The following N4BP2L2 variants were observed in gnomAD, a reference collection of about 807,000 sequenced individuals.
The protein encoded by N4BP2L2 is NEDD4-binding protein 2-like 2.
A neutral mutation model predicts 56.2 loss-of-function variants in N4BP2L2; 50 were observed. The ratio of observed to expected loss-of-function variants is 0.89; its 90% confidence interval spans 0.71 to 1.13. The LOEUF (loss-of-function observed/expected upper bound fraction) is 1.13, where lower values mean the gene tolerates loss of function less well. Among genes scored for constraint, N4BP2L2 ranks in the 50% most tolerant of loss-of-function variants. The pLI is 0.00. For synonymous variants in N4BP2L2, 203 were observed against 223.6 expected (o/e 0.91, Z 0.82); for missense variants, 689 against 693.8 (o/e 0.99, Z 0.08).
chr13:32,451,545 ATTAAT>A (rs1215076808), intron 6 of N4BP2L2, among the ~76,000 whole-genome samples: 1 of 151,980 alleles, frequency 6.6e-6, no homozygotes, highest in African/African-American at 2.4e-5. Flanking sequence ...AAGTTATTTA[ATTAAT>A]TTATTTTTGG....
At chr13:32,538,070 TG>T (rs34075107) in intron 1 of N4BP2L2, among the ~76,000 whole-genome samples, 2,809 of 64,608 alleles carry the variant, frequency 0.043, 106 homozygotes, top group African/African-American at 0.13. Context: ...GACCCCGTCT[TG>T]GGGGGGGGGG....
At chr13:32,529,657 GT>G (rs11340287) in intron 2 of N4BP2L2, among the ~76,000 whole-genome samples, 100,755 of 145,786 alleles carry the variant, frequency 0.69, 34,708 homozygotes, top group Non-Finnish European at 0.75. Context: ...TTCCTTTTTT[GT>G]TTTTTTTTTT....
intron 6 of N4BP2L2, among the ~76,000 whole-genome samples, chr13:32,496,873 G>C (rs1012254178): frequency 6.6e-6 from 1 of 152,086 alleles, no homozygotes; most frequent in Non-Finnish European, 1.5e-5. Flanking sequence ...CTACATGCAA[G>C]AGTTCAAAAT....
At chr13:32,517,856 C>T (rs2049595242) in exon 6 of N4BP2L2, 1 of 1,613,928 alleles carries the variant, frequency 6.2e-7, no homozygotes. Flanking sequence ...AGCCTCCCCA[C>T]CTCTGTCTCC....
rs7994362 is a variant in N4BP2L2, at chr13:32,441,015, C to T, written c.2104+1373G>A. On this transcript the variant is annotated intron_variant, in intron 7 of 9. Transcript: ENST00000357505. ...GATTACAGGCACACGCCACCACGCC[C>T]GGCTAATTTTTGTATTTTTAGTAGA... 2.4e-3 allele frequency among the ~76,000 whole-genome samples: 368 copies of T among 150,930 alleles called. 1 individual carries two copies. The highest frequency in any genetic ancestry group is 8.6e-3 in the African/African-American group (352 of 41,088).
intron 6 of N4BP2L2, among the ~76,000 whole-genome samples, chr13:32,447,265 G>A (rs774592063): frequency 5.3e-5 from 8 of 152,256 alleles, no homozygotes; most frequent in Admixed American, 1.3e-4. Flanking sequence ...AAGAGGAAGT[G>A]AGAGGAGATA....
intron 7 of N4BP2L2, among the ~76,000 whole-genome samples, chr13:32,440,929 C>T (rs368250612): frequency 5.0e-5 from 7 of 139,780 alleles, no homozygotes; most frequent in East Asian, 4.2e-4. Context: ...CGGCTCACTG[C>T]GACCTCTGCC....
At chr13:32,464,294 T>C (rs1043641093) in intron 6 of N4BP2L2, among the ~76,000 whole-genome samples, 2 of 152,234 alleles carry the variant, frequency 1.3e-5, no homozygotes, top group Non-Finnish European at 2.9e-5. Context: ...AGATGTTAAT[T>C]ATAATCCCTG....
chr13:32,500,165 G>A (rs1021785878), intron 6 of N4BP2L2, among the ~76,000 whole-genome samples: 1 of 152,040 alleles, frequency 6.6e-6, no homozygotes, highest in South Asian at 2.1e-4. Flanking sequence ...GTGCCTTAGC[G>A]GTCTACCTTG....
intron 6 of N4BP2L2, among the ~76,000 whole-genome samples, chr13:32,444,388 G>C (rs146758871): frequency 6.6e-6 from 1 of 151,898 alleles, no homozygotes; most frequent in Non-Finnish European, 1.5e-5. Context: ...CCTCATCCTC[G>C]CAAGTAGCTG....
chr13:32,505,050 A>C (rs1050690709), intron 6 of N4BP2L2: 1 of 152,020 alleles, frequency 6.6e-6, no homozygotes. Context: ...GTGGTAGCCC[A>C]CCTCCCTCAG....
exon 2 of N4BP2L2, chr13:32,537,019 A>G (rs555315307): frequency 6.5e-6 from 10 of 1,545,508 alleles, no homozygotes; most frequent in South Asian, 2.5e-5. Flanking sequence ...CAATTTCACC[A>G]TAAGACATCT....
At chr13:32,465,947 T>A (rs2081157452) in intron 6 of N4BP2L2, among the ~76,000 whole-genome samples, 1 of 152,156 alleles carries the variant, frequency 6.6e-6, no homozygotes, top group Non-Finnish European at 1.5e-5. Context: ...CCACCACGCC[T>A]GGCCTAGTTT....
chr13:32,478,562 T>C (rs1593720319), intron 6 of N4BP2L2: 2 of 154,344 alleles, frequency 1.3e-5, no homozygotes, highest in East Asian at 3.8e-4. Flanking sequence ...TCTCTAGTAA[T>C]AGAAAAAGAA....
At chr13:32,536,608 C>G in exon 2 of N4BP2L2, 1 of 1,613,780 alleles carries the variant, frequency 6.2e-7, no homozygotes, top group Middle Eastern at 1.6e-4. Flanking sequence ...GTGCCTCATT[C>G]CTCCCTTCAT....
intron 6 of N4BP2L2, among the ~76,000 whole-genome samples, chr13:32,451,702 C>A (rs2078051121): frequency 6.6e-6 from 1 of 151,580 alleles, no homozygotes; most frequent in Non-Finnish European, 1.5e-5. Flanking sequence ...GCCACCATGC[C>A]CAGCTGCCCA....
intron 6 of N4BP2L2, among the ~76,000 whole-genome samples, chr13:32,472,449 T>C (rs2082490478): frequency 6.6e-6 from 1 of 152,194 alleles, no homozygotes; most frequent in African/African-American, 2.4e-5. Context: ...CTGGTAAGCA[T>C]GAAGAACAGT....
In N4BP2L2 at chr13:32,436,733, C is replaced by T. The variant is rs1302167961; in HGVS notation, c.2191-328G>A. ...TGAACCTGGGAGTCAGAAGTTGTAG[C>T]GAGCTGAGATCACGCCACTGCACTC... is the stretch of plus-strand genomic sequence containing the variant. On this transcript the variant is annotated intron_variant, in intron 8 of 9. Transcript: ENST00000357505. 3.3e-5 allele frequency among the ~76,000 whole-genome samples: 4 copies of T among 120,524 alleles called. No homozygotes were observed. In the Admixed American group the frequency reaches 4.6e-4, roughly 14 times the overall value. The allele number at this position is 120,524 out of a possible 152,430, so 79.1% of individuals were successfully genotyped here. A position where few individuals can be genotyped will look rare whatever the true frequency, so the allele number is the denominator to read the frequency against.
At chr13:32,533,533 T>G (rs1401972555) in intron 2 of N4BP2L2, among the ~76,000 whole-genome samples, 9 of 149,584 alleles carry the variant, frequency 6.0e-5, no homozygotes, top group African/African-American at 7.5e-5. Context: ...TTTTTTTTTT[T>G]TTTTTTGAGA....
Sources: allele counts gnomAD v4.1 joint callset (sites outside exome capture counted in the v4.1 genomes callset), GRCh38; gene constraint gnomAD v4.1.1; transcripts MANE v1.5; gene names NCBI Gene and HGNC (gene_info 2026-07-23, HGNC 2026-07-21).